The following CASTOR2 variants were observed in gnomAD, a reference collection of about 807,000 sequenced individuals.
The protein encoded by CASTOR2 is cytosolic arginine sensor for mTORC1 subunit 2.
CASTOR2 carries 8 observed loss-of-function variants against 31.2 expected under a neutral mutation model. That is an observed-to-expected ratio of 0.26 (90% CI 0.15 to 0.46). CASTOR2 has a LOEUF of 0.46. Among genes scored for constraint, CASTOR2 ranks in the 20% least tolerant of loss-of-function variants. CASTOR2 has a pLI of 0.99. For synonymous variants in CASTOR2, 162 were observed against 158.7 expected, an observed-to-expected ratio of 1.02 and a Z score of -0.16; for missense variants, 216 against 382.1, an observed-to-expected ratio of 0.57 and a Z score of 3.62.
In CASTOR2 at chr7:75,029,297, T is replaced by C. The variant is rs2131964154; in HGVS notation, c.*4598T>C. Among the ~76,000 whole-genome samples the C allele has an allele frequency of 6.6e-6, 1 of 152,126 alleles. No individual in the cohort carries two copies. Among genetic ancestry groups the C allele is most frequent in the South Asian group, 2.1e-4 (1 of 4,802 alleles). The stretch of plus-strand genomic sequence containing the variant: ...CTGGATGTGGTGACAACCAGGGCTT[T>C]TCCCAGCCCCAGCTAAGAGAGGGGG... On this transcript the variant is annotated 3_prime_UTR_variant, in exon 9 of 9. Coordinates refer to ENST00000616305, the MANE Select transcript of CASTOR2 (RefSeq NM_001145064.3).
intron 1 of CASTOR2, among the ~76,000 whole-genome samples, chr7:74,991,135 A>G (rs1475109417): frequency 2.0e-5 from 3 of 151,890 alleles, no homozygotes; most frequent in Admixed American, 6.6e-5. Flanking sequence ...GAGCCACACT[A>G]TAGTTGGGCG....
intron 2 of CASTOR2, among the ~76,000 whole-genome samples, chr7:75,013,282 TG>T (rs1182848906): frequency 6.6e-6 from 1 of 152,188 alleles, no homozygotes; most frequent in Admixed American, 6.5e-5. Flanking sequence ...GGGTCTTTCC[TG>T]GGAGGGCAGG....
chr7:75,019,173 CG>C, intron 5 of CASTOR2, 78 bp downstream of exon 5: 1 of 1,549,176 alleles, frequency 6.5e-7, no homozygotes, highest in Non-Finnish European at 8.7e-7. Context: ...CTTAGTCTGA[CG>C]GGGGAGGCTT....
At chr7:74,984,603 C>T (rs1474218165) in intron 1 of CASTOR2, among the ~76,000 whole-genome samples, 1 of 152,178 alleles carries the variant, frequency 6.6e-6, no homozygotes, top group Admixed American at 6.5e-5. Context: ...GAGCCAACAC[C>T]TCCCTTCCTG....
chr7:75,018,736 G>T (rs1804924605), intron 4 of CASTOR2, among the ~76,000 whole-genome samples: 1 of 152,276 alleles, frequency 6.6e-6, no homozygotes, highest in Non-Finnish European at 1.5e-5. Context: ...GGTGGTGCCG[G>T]TTGGGAAGGG....
intron 6 of CASTOR2, among the ~76,000 whole-genome samples, chr7:75,020,886 T>C (rs1297615609): frequency 6.6e-6 from 1 of 152,082 alleles, no homozygotes; most frequent in Non-Finnish European, 1.5e-5. Context: ...CACCTCTGCC[T>C]CCCAGGTTCA....
At chr7:75,004,957 C>A (rs1392042522) in intron 1 of CASTOR2, among the ~76,000 whole-genome samples, 1 of 152,140 alleles carries the variant, frequency 6.6e-6, no homozygotes, top group Non-Finnish European at 1.5e-5. Flanking sequence ...CCTCCACCTC[C>A]CGGGTTCAAG....
rs1401079795 is a variant in CASTOR2 at position 75,029,318 on chromosome 7, G to C, written c.*4619G>C. ...GCTTTTCCCAGCCCCAGCTAAGAGA[G>C]GGGGCTTTAGGGCAAGAGCACCTCA... On this transcript the variant is annotated 3_prime_UTR_variant, in exon 9 of 9. Transcript: ENST00000616305. Among the ~76,000 whole-genome samples the C allele has an allele frequency of 6.6e-6, 1 of 152,056 alleles. No individual in the cohort carries two copies. Among genetic ancestry groups the C allele is most frequent in the African/African-American group, 2.4e-5 (1 of 41,414 alleles).
At chr7:75,012,441 T>A (rs1376641333) in intron 2 of CASTOR2, among the ~76,000 whole-genome samples, 1 of 151,350 alleles carries the variant, frequency 6.6e-6, no homozygotes, top group Non-Finnish European at 1.5e-5. Flanking sequence ...TAGCTGGGAT[T>A]ACAGGCATGC....
intron 1 of CASTOR2, among the ~76,000 whole-genome samples, chr7:74,997,832 G>A (rs1268951589): frequency 5.9e-5 from 9 of 151,934 alleles, no homozygotes; most frequent in African/African-American, 1.2e-4. Flanking sequence ...CCACAGTGCT[G>A]TGACATTGCT....
chr7:74,981,851 G>A (rs1803951966), intron 1 of CASTOR2, among the ~76,000 whole-genome samples: 1 of 140,210 alleles, frequency 7.1e-6, no homozygotes, highest in Non-Finnish European at 1.5e-5. Context: ...AGGATCGCTT[G>A]AGGCCAGGAA....
At chr7:75,031,528 AC>A (rs1805305881), downstream of CASTOR2, among the ~76,000 whole-genome samples, 1 of 150,606 alleles carries the variant, frequency 6.6e-6, no homozygotes, top group Non-Finnish European at 1.5e-5. Context: ...AAAAAAAAAA[AC>A]GATGCTGGCT....
intron 1 of CASTOR2, among the ~76,000 whole-genome samples, chr7:74,999,389 A>G (rs1442616694): frequency 2.6e-5 from 4 of 151,902 alleles, no homozygotes; most frequent in Admixed American, 2.0e-4. Flanking sequence ...GCCTTTTTCT[A>G]AGTAAAACTT....
At chr7:74,999,219 C>T (rs1316578767) in intron 1 of CASTOR2, among the ~76,000 whole-genome samples, 1 of 151,922 alleles carries the variant, frequency 6.6e-6, no homozygotes, top group Non-Finnish European at 1.5e-5. Flanking sequence ...ACCGTGTTAG[C>T]CAGGATGGTC....
chr7:74,998,524 A>C (rs1414363776), intron 1 of CASTOR2, among the ~76,000 whole-genome samples: 2 of 151,716 alleles, frequency 1.3e-5, no homozygotes, highest in Non-Finnish European at 2.9e-5. Context: ...AATCGCTTGA[A>C]CATGGGAGAC....
At chr7:75,012,562 C>A (rs1158227740) in intron 2 of CASTOR2, among the ~76,000 whole-genome samples, 1 of 151,866 alleles carries the variant, frequency 6.6e-6, no homozygotes, top group Non-Finnish European at 1.5e-5. Flanking sequence ...TTGCCTTGAC[C>A]TCCCAAAGTG....
intron 1 of CASTOR2, among the ~76,000 whole-genome samples, chr7:74,995,637 C>T (rs1180363725): frequency 1.3e-5 from 2 of 151,280 alleles, no homozygotes; most frequent in African/African-American, 4.9e-5. Flanking sequence ...GAAACCCTGT[C>T]TCTACTAAAA....
At chr7:75,002,874 G>A (rs1307134712) in intron 1 of CASTOR2, among the ~76,000 whole-genome samples, 5 of 151,996 alleles carry the variant, frequency 3.3e-5, no homozygotes, top group African/African-American at 1.2e-4. Flanking sequence ...GATCACTTGA[G>A]GCCAGGAGTT....
At chr7:75,012,642 TTTTTG>T (rs1397106193) in intron 2 of CASTOR2, among the ~76,000 whole-genome samples, 3 of 146,506 alleles carry the variant, frequency 2.0e-5, no homozygotes, top group Non-Finnish European at 4.5e-5. Flanking sequence ...GTTTTTTGTT[TTTTTG>T]TTTTGTTTTG....
Sources: allele counts gnomAD v4.1 joint callset (sites outside exome capture counted in the v4.1 genomes callset), GRCh38; gene constraint gnomAD v4.1.1; transcripts MANE v1.5; gene names NCBI Gene and HGNC (gene_info 2026-07-23, HGNC 2026-07-21).